The following FOXN2 variants were observed in gnomAD, a reference collection of about 807,000 sequenced individuals.
FOXN2 encodes the protein forkhead box N2.
A neutral mutation model predicts 41.2 loss-of-function variants in FOXN2; 19 were observed. The ratio of observed to expected loss-of-function variants is 0.46; its 90% confidence interval spans 0.32 to 0.68. FOXN2 has a LOEUF of 0.68. Among genes scored for constraint, FOXN2 ranks in the 30% least tolerant of loss-of-function variants. The pLI is 0.03. For missense variants in FOXN2, 587 were observed against 509.4 expected (o/e 1.15, Z -1.47); for synonymous variants, 195 against 176.8 (o/e 1.10, Z -0.82).
intron 3 of FOXN2, among the ~76,000 whole-genome samples, chr2:48,352,365 G>A (rs1671502734): frequency 6.6e-6 from 1 of 151,990 alleles, no homozygotes. Context: ...ATTAGCTCTG[G>A]GAATTCATCT....
intron 3 of FOXN2, among the ~76,000 whole-genome samples, chr2:48,357,593 C>T (rs1671887385): frequency 6.6e-6 from 1 of 151,674 alleles, no homozygotes; most frequent in Non-Finnish European, 1.5e-5. Context: ...CGCACCACCA[C>T]ACCAGGCTAA....
chr2:48,318,520 G>A (rs1326594532), intron 1 of FOXN2, among the ~76,000 whole-genome samples: 1 of 152,132 alleles, frequency 6.6e-6, no homozygotes, highest in Non-Finnish European at 1.5e-5. Context: ...TTGATCAGGT[G>A]GTTGAGGTCT....
intron 1 of FOXN2, among the ~76,000 whole-genome samples, chr2:48,319,873 C>A (rs1669182444): frequency 6.9e-6 from 1 of 144,660 alleles, no homozygotes; most frequent in Non-Finnish European, 1.5e-5. Flanking sequence ...CTCAAGGGAT[C>A]CTCCTACCTC....
At chr2:48,365,246 G>C (rs2104491162) in intron 5 of FOXN2, among the ~76,000 whole-genome samples, 1 of 152,276 alleles carries the variant, frequency 6.6e-6, no homozygotes, top group South Asian at 2.1e-4. Flanking sequence ...AAAAGTTCTA[G>C]AGAACCCTGC....
At chr2:48,344,091 A>G (rs764274280) in intron 2 of FOXN2, among the ~76,000 whole-genome samples, 11 of 152,176 alleles carry the variant, frequency 7.2e-5, no homozygotes, top group Non-Finnish European at 1.3e-4. Flanking sequence ...ACATTATTCA[A>G]TTCTCATTCG....
intron 5 of FOXN2, among the ~76,000 whole-genome samples, chr2:48,366,705 G>C (rs1255523030): frequency 6.6e-6 from 1 of 151,928 alleles, no homozygotes; most frequent in Non-Finnish European, 1.5e-5. Flanking sequence ...AGGTATTGCT[G>C]CCCCTCTTTT....
rs1184193860 is a variant in FOXN2 at position 48,322,629 on chromosome 2, T to C, written c.-156-5932T>C. ...CATTTTTTTCGTAATCCTTTAAGTC[T>C]TCATTTCTGAAATGATTTTTTCCCT... is the stretch of plus-strand genomic sequence containing the variant. On this transcript the variant is annotated intron_variant, in intron 1 of 6. Transcript: ENST00000340553. Among the ~76,000 whole-genome samples the C allele has an allele frequency of 2.6e-5, 4 of 151,772 alleles. No individual in the cohort carries two copies. The South Asian group carries it at 6.2e-4, about 24-fold the overall frequency.
chr2:48,376,161 T>C lies in FOXN2; in HGVS notation c.*718T>C, dbSNP rs1464512902. 6.6e-6 allele frequency: 1 copy of C among 152,214 alleles called. No individual in the cohort carries two copies. Among genetic ancestry groups the C allele is most frequent in the Non-Finnish European group, 1.5e-5 (1 of 68,020 alleles). The allele number at this position is 152,214 out of a possible 1,614,324, so 9.4% of individuals were successfully genotyped here. A position where few individuals can be genotyped will look rare whatever the true frequency, so the allele number is the denominator to read the frequency against. ...CTTCAGAGATCCTGCATAGCATTTATTGGGGCCTTTTATTCTTTCCCAAAG... is the reference window on the plus strand; with the variant it reads ...CTTCAGAGATCCTGCATAGCATTTACTGGGGCCTTTTATTCTTTCCCAAAG... On this transcript the variant is annotated 3_prime_UTR_variant, in exon 7 of 7. Transcript: ENST00000340553.
At position 48,378,171 on chromosome 2, in the gene FOXN2, G is replaced by A. The variant is rs962415644; in HGVS notation, c.*2728G>A. 6.6e-6 allele frequency: 1 copy of A among 152,150 alleles called. No homozygotes were observed. Among genetic ancestry groups the A allele is most frequent in the African/African-American group, 2.4e-5 (1 of 41,350 alleles). 9.4% of individuals were successfully genotyped at this position (152,150 alleles called of 1,614,324 possible). ...ATCCCAAACAGAATCACTGTTTCTTGAATATATATTTTTGAAGTTTTTTTG... is the reference window on the plus strand; with the variant it reads ...ATCCCAAACAGAATCACTGTTTCTTAAATATATATTTTTGAAGTTTTTTTG... On this transcript the variant is annotated 3_prime_UTR_variant, in exon 7 of 7. Transcript: ENST00000340553.
In FOXN2 at chr2:48,376,302, T is replaced by C. The variant is rs1027450926; in HGVS notation, c.*859T>C. On this transcript the variant is annotated 3_prime_UTR_variant, in exon 7 of 7. Coordinates refer to ENST00000340553, the MANE Select transcript of FOXN2 (RefSeq NM_002158.4). ...GAGTACACCCATTTTGACACACTTG[T>C]AATAAGAGAATCTTTCATTTGCCTG... The C allele has an allele frequency of 2.0e-5, 3 of 152,050 alleles. No individual in the cohort carries two copies. The highest frequency in any genetic ancestry group is 1.3e-4 in the Admixed American group (2 of 15,262). The allele number at this position is 152,050 out of a possible 1,614,324, so 9.4% of individuals were successfully genotyped here.
rs543765837 is a variant in FOXN2, at chr2:48,370,623, T to C, written c.704-2669T>C. Among the ~76,000 whole-genome samples the C allele has an allele frequency of 3.3e-5, 5 of 152,308 alleles. No individual in the cohort carries two copies. In the East Asian group the frequency reaches 9.6e-4, roughly 29 times the overall value. On this transcript the variant is annotated intron_variant, in intron 5 of 6. Transcript: ENST00000340553. ...TTTTGAGCAATGTCTGTTCTGATCA[T>C]TTGCCCATTTTTAAATTAGAGGATT...
intron 5 of FOXN2, among the ~76,000 whole-genome samples, chr2:48,363,336 T>C (rs1164823335): frequency 6.6e-6 from 1 of 152,144 alleles, no homozygotes; most frequent in Non-Finnish European, 1.5e-5. Flanking sequence ...AGCTGTATTA[T>C]GTATTTTATG....
intron 5 of FOXN2, among the ~76,000 whole-genome samples, chr2:48,370,034 A>G: frequency 6.6e-6 from 1 of 151,874 alleles, no homozygotes; most frequent in South Asian, 2.1e-4. Flanking sequence ...AAGAAAAATT[A>G]GTTTATGGAG....
intron 2 of FOXN2, among the ~76,000 whole-genome samples, chr2:48,328,914 T>C (rs959268406): frequency 3.9e-5 from 6 of 152,238 alleles, no homozygotes; most frequent in African/African-American, 7.2e-5. Flanking sequence ...GTAAGTGTTA[T>C]GTTTGAGATA....
At position 48,373,357 on chromosome 2, in the gene FOXN2, G is replaced by C. The variant is rs1183890222; in HGVS notation, c.769G>C (p.Glu257Gln). Reference protein sequence around the residue: ...LNTSIEQGILECEKPLPLKTA... With the variant: ...LNTSIEQGILQCEKPLPLKTA... The stretch of plus-strand genomic sequence containing the variant: ...TACTTCTATAGAACAAGGAATTTTA[G>C]AATGTAAGTAATCATGCCTTTTTTA... The change falls in exon 6 of 7, where the codon GAA (glutamate) becomes CAA (glutamine). Residue 257 changes from glutamate to glutamine, a missense_variant. By Grantham distance (29) the Glu-to-Gln change is conservative (BLOSUM62 2). Transcript: ENST00000340553. 3.8e-6 allele frequency: 6 copies of C among 1,566,880 alleles called. No individual in the cohort carries two copies. The highest frequency in any genetic ancestry group is 2.3e-5 in the East Asian group (1 of 43,290).
chr2:48,319,847 G>C (rs1417395764), intron 1 of FOXN2, among the ~76,000 whole-genome samples: 3 of 128,570 alleles, frequency 2.3e-5, no homozygotes, highest in Non-Finnish European at 3.1e-5. Flanking sequence ...GCCCAGGCTC[G>C]TCTCAAACTC....
chr2:48,346,967 C>A (rs1315823345), intron 3 of FOXN2, among the ~76,000 whole-genome samples: 1 of 152,150 alleles, frequency 6.6e-6, no homozygotes, highest in Non-Finnish European at 1.5e-5. Context: ...ACTATAGGTA[C>A]CTAGATTAGT....
Position 48,363,403 on chromosome 2 carries a change from TTACAGTA to T in FOXN2, c.703+697_703+703del, listed in dbSNP as rs150140206. Among the ~76,000 whole-genome samples, 804 of 152,234 alleles carry T rather than the reference TTACAGTA, an allele frequency of 5.3e-3. 3 individuals carry two copies. The highest frequency in any genetic ancestry group is 9.6e-3 in the Admixed American group (147 of 15,286). On this transcript the variant is annotated intron_variant, in intron 5 of 6. Coordinates refer to ENST00000340553, the MANE Select transcript of FOXN2 (RefSeq NM_002158.4). ...ATTAAAAAGTTTATAAAGTAAAAGT[TTACAGTA>T]AACTAAGGTTAATGTATTATTGAAG...
At chr2:48,371,596 T>G (rs1337460288) in intron 5 of FOXN2, among the ~76,000 whole-genome samples, 4 of 152,204 alleles carry the variant, frequency 2.6e-5, no homozygotes, top group Non-Finnish European at 5.9e-5. Flanking sequence ...ATTTGGGGTC[T>G]TTTGTAGTTC....
Sources: gnomAD v4.1 joint callset for allele counts (sites outside exome capture counted in the v4.1 genomes callset) on GRCh38, gnomAD v4.1.1 for gene constraint, MANE v1.5 for transcripts, NCBI Gene and HGNC (gene_info 2026-07-23, HGNC 2026-07-21) for gene names.